The following MDN1 variants were observed in gnomAD, a reference collection of about 807,000 sequenced individuals.
MDN1 encodes the protein midasin.
A neutral mutation model predicts 669.2 loss-of-function variants in MDN1; 266 were observed. The observed-to-expected ratio is 0.40, with a 90% confidence interval of 0.36 to 0.44. The LOEUF (loss-of-function observed/expected upper bound fraction) is 0.44. Ranked by LOEUF, MDN1 falls within the 20% of genes least tolerant of loss-of-function variation. MDN1 has a pLI of 1.00. For missense variants in MDN1, 5,940 were observed against 6,754.0 expected (o/e 0.88, Z 4.22); for synonymous variants, 2,385 against 2,457.1 (o/e 0.97, Z 0.87).
intron 83 of MDN1, among the ~76,000 whole-genome samples, chr6:89,669,566 T>A (rs1810489252): frequency 6.6e-6 from 1 of 152,148 alleles, no homozygotes; most frequent in African/African-American, 2.4e-5. Context: ...AGTTTGTAAA[T>A]TCATATCTTC....
At chr6:89,809,363 G>A (rs565423560) in intron 1 of MDN1, among the ~76,000 whole-genome samples, 4 of 151,816 alleles carry the variant, frequency 2.6e-5, no homozygotes, top group Non-Finnish European at 4.4e-5. Context: ...GAACATAGTG[G>A]TTCACACCTG....
At chr6:89,767,901 T>G (rs1457635893) in intron 15 of MDN1, among the ~76,000 whole-genome samples, 1 of 151,114 alleles carries the variant, frequency 6.6e-6, no homozygotes, top group Non-Finnish European at 1.5e-5. Flanking sequence ...ATTAGCTGGG[T>G]ATGGTGGCAC....
intron 2 of MDN1, among the ~76,000 whole-genome samples, chr6:89,802,878 C>T (rs868865439): frequency 6.6e-5 from 10 of 152,286 alleles, no homozygotes; most frequent in Admixed American, 4.6e-4. Context: ...CCAGCTCTAA[C>T]ACAGCTCTTA....
chr6:89,738,338 T>G lies in MDN1; in HGVS notation c.4711A>C (p.Ile1571Leu). 6.2e-7 allele frequency: 1 copy of G among 1,614,064 alleles called. No homozygotes were observed. The highest frequency in any genetic ancestry group is 8.5e-7 in the Non-Finnish European group (1 of 1,179,946). The change falls in exon 33 of 102, where the codon ATA becomes CTA. Residue 1571 changes from isoleucine (I) to leucine (L), a missense_variant. Ile to Leu is a conservative substitution (Grantham distance 5). Around this residue, in one of 5 missense-constraint regions of MDN1, gnomAD observed 2,292 missense variants for 2,638.3 expected, o/e 0.87. Transcript: ENST00000369393. The part of the protein sequence containing the change: ...NLRPGLCLGR[I>L]DPKGSDIPEV... ...TGCAAACTCTCACCTTTAGGATCTA[T>G]TCTGCCCAGACACAATCCTGGACGA...
In MDN1 at chr6:89,758,259, T is replaced by G; in HGVS notation, c.2698A>C (p.Asn900His). 1 of 1,607,090 alleles carries G rather than the reference T, an allele frequency of 6.2e-7. No individual in the cohort carries two copies. The highest frequency in any genetic ancestry group is 1.1e-5 in the South Asian group (1 of 89,708). The part of the protein sequence containing the change: ...GKRNLPPGIR[N>H]RFTELYVEEL... ...CTCCAAGAACCAAACCCTCACCTGT[T>G]TCTTATTCCTGGTGGGAGATTTCTT... Residue 900 changes from asparagine (N) to histidine (H), a missense_variant, in exon 19 of 102, where the codon AAC becomes CAC. By Grantham distance (68) the Asn-to-His change is moderately conservative. Transcript: ENST00000369393.
chr6:89,746,603 A>T, intron 27 of MDN1, among the ~76,000 whole-genome samples: 1 of 50,962 alleles, frequency 2.0e-5, no homozygotes, highest in Non-Finnish European at 4.2e-5. Flanking sequence ...CAAAAAAAAA[A>T]AAAAAAAAAA....
In MDN1 at chr6:89,758,248, C is replaced by T; in HGVS notation, c.2702+7G>A. 9 of 1,600,568 alleles carry T rather than the reference C, an allele frequency of 5.6e-6. No individual in the cohort carries two copies. The highest frequency in any genetic ancestry group is 7.7e-6 in the Non-Finnish European group (9 of 1,170,764). The stretch of plus-strand genomic sequence containing the variant: ...AAAAGGAAAGTCTCCAAGAACCAAA[C>T]CCTCACCTGTTTCTTATTCCTGGTG... On this transcript the variant is annotated splice_region_variant and intron_variant, in intron 19 of 101. Transcript: ENST00000369393.
intron 38 of MDN1, among the ~76,000 whole-genome samples, chr6:89,724,215 G>T (rs1815044852): frequency 6.6e-6 from 1 of 152,114 alleles, no homozygotes; most frequent in South Asian, 2.1e-4. Context: ...TTAAATCTGG[G>T]TGGTAGATAC....
At chr6:89,796,082 T>C (rs1015527571) in intron 2 of MDN1, among the ~76,000 whole-genome samples, 4 of 151,920 alleles carry the variant, frequency 2.6e-5, no homozygotes, top group Non-Finnish European at 5.9e-5. Flanking sequence ...CCCAGCACTT[T>C]GGGAGGCTGA....
At chr6:89,693,735 GATA>G (rs1411497378) in intron 62 of MDN1, among the ~76,000 whole-genome samples, 1 of 152,076 alleles carries the variant, frequency 6.6e-6, no homozygotes, top group Non-Finnish European at 1.5e-5. Context: ...AGGAATTTTG[GATA>G]AGGGATCCCC....
intron 1 of MDN1, among the ~76,000 whole-genome samples, chr6:89,803,895 C>CTTTTT (rs56246331): frequency 1.7e-3 from 132 of 76,332 alleles, no homozygotes; most frequent in South Asian, 3.2e-3. Flanking sequence ...CTTTTCTTTT[C>CTTTTT]TTTTTTTTTT....
intron 100 of MDN1, among the ~76,000 whole-genome samples, chr6:89,646,099 T>A (rs1395723886): frequency 6.6e-6 from 1 of 152,168 alleles, no homozygotes; most frequent in African/African-American, 2.4e-5. Context: ...CCCGCATACA[T>A]GAAAAGTTGG....
At chr6:89,748,124 A>T (rs1329246264) in intron 26 of MDN1, among the ~76,000 whole-genome samples, 2 of 152,064 alleles carry the variant, frequency 1.3e-5, no homozygotes, top group African/African-American at 2.4e-5. Context: ...CAGGAGATCG[A>T]GACCATCCTG....
intron 2 of MDN1, 41 bp from the exon 3 acceptor site, chr6:89,794,842 G>A (rs760970865): frequency 6.5e-7 from 1 of 1,537,304 alleles, no homozygotes; most frequent in South Asian, 1.1e-5. Context: ...ACTTAACAAT[G>A]GTTGGACTTA....
At chr6:89,748,303 C>T (rs372519570) in intron 26 of MDN1, among the ~76,000 whole-genome samples, 4 of 152,110 alleles carry the variant, frequency 2.6e-5, no homozygotes, top group Admixed American at 6.5e-5. Context: ...TCCAGCCTGG[C>T]GACAGAGTGA....
At chr6:89,789,006 C>A (rs1450935953) in intron 7 of MDN1, among the ~76,000 whole-genome samples, 1 of 152,118 alleles carries the variant, frequency 6.6e-6, no homozygotes, top group Non-Finnish European at 1.5e-5. Flanking sequence ...TGCCTGTAAT[C>A]CCAGCTACTC....
In MDN1 at chr6:89,756,263, A is replaced by G. The variant is rs1817239725; in HGVS notation, c.2816+14T>C. The G allele has an allele frequency of 7.3e-7, 1 of 1,366,756 alleles. No homozygotes were observed. Among genetic ancestry groups the G allele is most frequent in the Non-Finnish European group, 1.0e-6 (1 of 989,430 alleles). The allele number at this position is 1,366,756 out of a possible 1,614,324, so 84.7% of individuals were successfully genotyped here. Reference sequence around the variant, plus strand: ...AGAGAAAGAGCTTATAAAGACATACAAAAGGGAACCTACTTTATGATTCCT... The same window carrying G: ...AGAGAAAGAGCTTATAAAGACATACGAAAGGGAACCTACTTTATGATTCCT... On this transcript the variant is annotated intron_variant, in intron 20 of 101. Coordinates refer to ENST00000369393, the MANE Select transcript of MDN1 (RefSeq NM_014611.3).
At position 89,732,543 on chromosome 6, in the gene MDN1, A is replaced by C. The variant is rs530665083; in HGVS notation, c.4942+14T>G. ...TACGAGCCCCTTGTCCCCACCAGCT[A>C]CCAGACAACATACCTGAACCTATTC... On this transcript the variant is annotated intron_variant, in intron 34 of 101. Coordinates refer to ENST00000369393, the MANE Select transcript of MDN1 (RefSeq NM_014611.3). 6.2e-7 allele frequency: 1 copy of C among 1,612,572 alleles called. No homozygotes were observed. The highest frequency in any genetic ancestry group is 1.7e-5 in the Admixed American group (1 of 60,004).
At position 89,758,301 on chromosome 6, in the gene MDN1, C is replaced by A; in HGVS notation, c.2656G>T (p.Ala886Ser). 6 of 1,612,404 alleles carry A rather than the reference C, an allele frequency of 3.7e-6. No individual in the cohort carries two copies. The highest frequency in any genetic ancestry group is 5.1e-6 in the Non-Finnish European group (6 of 1,179,160). The change falls in exon 19 of 102, where the codon GCA becomes TCA. Residue 886 changes from alanine to serine, a missense_variant. Ala to Ser is a moderately conservative substitution (Grantham distance 99). Around this residue, in one of 5 missense-constraint regions of MDN1, gnomAD observed 1,203 missense variants for 1,268.9 expected, o/e 0.95. Coordinates refer to ENST00000369393, the MANE Select transcript of MDN1 (RefSeq NM_014611.3). Reference protein sequence around the residue: ...DFRLFACMNPATDVGKRNLPP... With the variant: ...DFRLFACMNPSTDVGKRNLPP... ...AGATTTCTTTTGCCTACATCAGTTG[C>A]TGGATTCATACAGGCAAATAAACGG...
Sources: gnomAD v4.1 joint callset for allele counts (sites outside exome capture counted in the v4.1 genomes callset) on GRCh38, gnomAD v4.1.1 for gene constraint, gnomAD v4.1.1 regional missense constraint, MANE v1.5 for transcripts, NCBI Gene and HGNC (gene_info 2026-07-23, HGNC 2026-07-21) for gene names.